PSPC1: variants seen among roughly 807,000 people sequenced by gnomAD.
The protein encoded by PSPC1 is paraspeckle component 1.
In PSPC1, 14 loss-of-function variants were observed where a neutral mutation model predicts 51.6. The observed-to-expected ratio is 0.27, with a 90% CI of 0.18 to 0.42. PSPC1 has a LOEUF of 0.42. Ranked by LOEUF, PSPC1 falls within the 10% of genes least tolerant of loss-of-function variation. PSPC1 has a pLI of 1.00. For missense variants in PSPC1, 406 were observed against 701.1 expected (o/e 0.58, Z 4.75); for synonymous variants, 193 against 231.9 (o/e 0.83, Z 1.53).
At chr13:19,738,542 T>A (rs1566013141) in intron 5 of PSPC1, among the ~76,000 whole-genome samples, 2 of 152,194 alleles carry the variant, frequency 1.3e-5, no homozygotes, top group Non-Finnish European at 2.9e-5. Context: ...CTTAAAAGCA[T>A]CTCTAGATTA....
chr13:19,700,647 A>G (rs1292994630), downstream of PSPC1, among the ~76,000 whole-genome samples: 2 of 152,122 alleles, frequency 1.3e-5, no homozygotes, highest in South Asian at 4.1e-4. Context: ...CCTTTATTTT[A>G]TACACACTAA....
intron 6 of PSPC1, among the ~76,000 whole-genome samples, chr13:19,697,231 C>A (rs147062070): frequency 6.6e-6 from 1 of 152,252 alleles, no homozygotes; most frequent in East Asian, 1.9e-4. Context: ...TTTGGCTCCA[C>A]CTGAGGCCTA....
At chr13:19,672,345 T>C (rs1397846357), downstream of PSPC1, 1 of 159,210 alleles carries the variant, frequency 6.3e-6, no homozygotes, top group African/African-American at 2.4e-5. Flanking sequence ...GGTTTATCCA[T>C]GTTGGTCAGG....
At chr13:19,727,331 T>C (rs923297664) in intron 6 of PSPC1, among the ~76,000 whole-genome samples, 4 of 151,996 alleles carry the variant, frequency 2.6e-5, no homozygotes, top group African/African-American at 7.3e-5. Context: ...GAGGCAGAGG[T>C]TGCAGTGAGC....
chr13:19,674,260 A>AAAAT (rs1378730981), downstream of PSPC1, among the ~76,000 whole-genome samples: 1 of 149,818 alleles, frequency 6.7e-6, no homozygotes, highest in African/African-American at 2.4e-5. Context: ...CTGTTCTGCC[A>AAAAT]AAATAAATAG....
At chr13:19,758,437 C>T (rs1011242458) in intron 3 of PSPC1, among the ~76,000 whole-genome samples, 3 of 152,098 alleles carry the variant, frequency 2.0e-5, no homozygotes, top group African/African-American at 7.2e-5. Context: ...AAGAGTTTTT[C>T]CGCTGTGCCA....
intron 2 of PSPC1, among the ~76,000 whole-genome samples, chr13:19,768,961 C>G (rs1489698913): frequency 8.2e-5 from 12 of 147,220 alleles, no homozygotes; most frequent in African/African-American, 2.0e-4. Flanking sequence ...GTGGCGAAAC[C>G]CCATCTCTAC....
At chr13:19,687,274 G>C (rs969891217) in intron 6 of PSPC1, among the ~76,000 whole-genome samples, 7 of 152,078 alleles carry the variant, frequency 4.6e-5, no homozygotes, top group African/African-American at 1.7e-4. Context: ...GTGCATTTCT[G>C]TAACTCATCA....
At chr13:19,681,110 GA>G (rs903635475) in intron 6 of PSPC1, among the ~76,000 whole-genome samples, 9 of 152,102 alleles carry the variant, frequency 5.9e-5, no homozygotes, top group Admixed American at 3.9e-4. Context: ...GGCTACTTGG[GA>G]GGCTGAGATG....
intron 4 of PSPC1, among the ~76,000 whole-genome samples, chr13:19,748,549 A>G (rs1886223006): frequency 6.6e-6 from 1 of 152,230 alleles, no homozygotes; most frequent in Non-Finnish European, 1.5e-5. Flanking sequence ...TAAGAGCTCA[A>G]GAAAAAACTG....
chr13:19,780,832 G>T (rs969657656), intron 1 of PSPC1, among the ~76,000 whole-genome samples: 1 of 152,094 alleles, frequency 6.6e-6, no homozygotes, highest in Non-Finnish European at 1.5e-5. Flanking sequence ...AAAAGATTTT[G>T]TATCGTCCAG....
downstream of PSPC1, among the ~76,000 whole-genome samples, chr13:19,673,779 C>T (rs927994652): frequency 1.3e-5 from 2 of 152,058 alleles, no homozygotes; most frequent in Admixed American, 6.6e-5. Context: ...TCAAATTATC[C>T]GGGGGAAAAA....
downstream of PSPC1, chr13:19,672,276 C>A: frequency 5.9e-6 from 1 of 170,636 alleles, no homozygotes; most frequent in East Asian, 1.6e-4. Flanking sequence ...TCCTGAGTAG[C>A]TGGGATTACA....
At chr13:19,729,705 T>C (rs1883812151) in intron 6 of PSPC1, among the ~76,000 whole-genome samples, 1 of 152,096 alleles carries the variant, frequency 6.6e-6, no homozygotes, top group Admixed American at 6.5e-5. Context: ...GAGCTGACCA[T>C]TTTTAAAATA....
At position 19,758,582 on chromosome 13, in the gene PSPC1, T is replaced by C. The variant is rs142834761; in HGVS notation, c.770+741A>G. Among the ~76,000 whole-genome samples the C allele has an allele frequency of 7.9e-4, 119 of 150,910 alleles. 1 individual carries two copies. The East Asian group carries it at 0.022, about 28-fold the overall frequency. The stretch of plus-strand genomic sequence containing the variant: ...GCGTGGTGGCTCACACCTGTAATCC[T>C]AGCACTTTGGGAGGCCTAGGCGGGT... On this transcript the variant is annotated intron_variant, in intron 3 of 8. Transcript: ENST00000338910.
At chr13:19,696,784 AGTTACATT>A (rs1432181171) in intron 6 of PSPC1, among the ~76,000 whole-genome samples, 1 of 152,140 alleles carries the variant, frequency 6.6e-6, no homozygotes, top group Admixed American at 6.6e-5. Flanking sequence ...ATACAAAAAC[AGTTACATT>A]ATTTCATCTC....
At chr13:19,752,324 G>T (rs781002865) in intron 3 of PSPC1, among the ~76,000 whole-genome samples, 7 of 152,044 alleles carry the variant, frequency 4.6e-5, no homozygotes, top group Non-Finnish European at 7.4e-5. Context: ...TACCTAGAGT[G>T]CAGTATATAC....
chr13:19,691,302 T>C (rs1878510558), intron 6 of PSPC1, among the ~76,000 whole-genome samples: 1 of 151,676 alleles, frequency 6.6e-6, no homozygotes, highest in South Asian at 2.1e-4. Flanking sequence ...GGGAGGATCA[T>C]TTGAGACAAG....
At chr13:19,745,191 G>A (rs549322217) in intron 4 of PSPC1, among the ~76,000 whole-genome samples, 21 of 152,194 alleles carry the variant, frequency 1.4e-4, no homozygotes, top group African/African-American at 4.3e-4. Flanking sequence ...GGTGGCACAC[G>A]CCTGTAGTCC....
Sources: allele counts gnomAD v4.1 joint callset (sites outside exome capture counted in the v4.1 genomes callset), GRCh38; gene constraint gnomAD v4.1.1; transcripts MANE v1.5; gene names NCBI Gene and HGNC (gene_info 2026-07-23, HGNC 2026-07-21).